Variants in BIRC6 observed in about 807,000 individuals in gnomAD.
BIRC6 encodes the protein baculoviral IAP repeat containing 6, also known as dual E2 ubiquitin-conjugating enzyme/E3 ubiquitin-protein ligase BIRC6.
BIRC6 carries 98 observed loss-of-function variants against 503.3 expected under a neutral mutation model. The observed-to-expected ratio is 0.19, with a 90% CI of 0.17 to 0.23. The LOEUF (loss-of-function observed/expected upper bound fraction) is 0.23, where lower values mean the gene tolerates loss of function less well. Among genes scored for constraint, BIRC6 ranks in the 10% least tolerant of loss-of-function variants. The pLI, the probability that BIRC6 is intolerant of heterozygous loss-of-function variation, is 1.00. For synonymous variants in BIRC6, 2,240 were observed against 2,078.7 expected (o/e 1.08, Z -2.11); for missense variants, 5,360 against 5,806.0 (o/e 0.92, Z 2.50).
At chr2:32,495,814 C>CTGTGGA in intron 45 of BIRC6, among the ~76,000 whole-genome samples, 1 of 94,126 alleles carries the variant, frequency 1.1e-5, no homozygotes, top group East Asian at 2.7e-4. Context: ...TTTTTTTTGC[C>CTGTGGA]TGTGGATGTC....
At chr2:32,614,871 T>A (rs2063134031) in intron 73 of BIRC6, among the ~76,000 whole-genome samples, 1 of 152,156 alleles carries the variant, frequency 6.6e-6, no homozygotes, top group Admixed American at 6.6e-5. Flanking sequence ...TTAGCTTGAC[T>A]CCACAATAAA....
chr2:32,584,464 C>G (rs1303739088), intron 66 of BIRC6, among the ~76,000 whole-genome samples: 1 of 151,968 alleles, frequency 6.6e-6, no homozygotes, highest in Non-Finnish European at 1.5e-5. Context: ...ACCGGGGAGG[C>G]GGAGGTTGTA....
chr2:32,517,390 C>A (rs1445844595), intron 55 of BIRC6, among the ~76,000 whole-genome samples: 3 of 152,088 alleles, frequency 2.0e-5, no homozygotes, highest in Non-Finnish European at 4.4e-5. Flanking sequence ...TATTTAACTG[C>A]CTGTAGTAAT....
intron 1 of BIRC6, among the ~76,000 whole-genome samples, chr2:32,373,961 C>G (rs1285213393): frequency 3.9e-5 from 6 of 152,146 alleles, no homozygotes; most frequent in Non-Finnish European, 8.8e-5. Flanking sequence ...AGGAAAAATA[C>G]TGTATGATTC....
intron 8 of BIRC6, among the ~76,000 whole-genome samples, chr2:32,402,302 C>T (rs1263330768): frequency 1.3e-5 from 2 of 152,116 alleles, no homozygotes; most frequent in African/African-American, 2.4e-5. Context: ...TAGTAAGATT[C>T]TGTAGGTGGA....
intron 53 of BIRC6, among the ~76,000 whole-genome samples, chr2:32,512,509 C>T (rs1186900778): frequency 6.6e-6 from 1 of 151,876 alleles, no homozygotes; most frequent in East Asian, 1.9e-4. Flanking sequence ...GCTTAATTTC[C>T]ATCTTATAAA....
rs143324977 is a variant in BIRC6 at position 32,463,231 on chromosome 2, A to G, written c.4791A>G (p.Leu1597=). 28 of 1,613,334 alleles carry G rather than the reference A, an allele frequency of 1.7e-5. No homozygotes were observed. The highest frequency in any genetic ancestry group is 1.3e-4 in the East Asian group (6 of 44,874). Residue 1597 remains leucine (L), a synonymous_variant, in exon 24 of 74, where the codon CTA becomes CTG. Coordinates refer to ENST00000421745, the MANE Select transcript of BIRC6 (RefSeq NM_016252.4). ...GGGTTACTCCTGCAGTAGGTGGACTATCATCTGGGACAGTTGGGGAAGCCT... is the reference window on the plus strand; with the variant it reads ...GGGTTACTCCTGCAGTAGGTGGACTGTCATCTGGGACAGTTGGGGAAGCCT... ...SFGVTPAVGG[L]SSGTVGEAST...
chr2:32,485,526 C>A (rs966815385), intron 39 of BIRC6, 117 bp from the exon 40 acceptor site: 7 of 636,584 alleles, frequency 1.1e-5, no homozygotes, highest in South Asian at 4.4e-5. Flanking sequence ...GGTGGCTGTT[C>A]TGTAAGAACA....
At position 32,613,007 on chromosome 2, in the gene BIRC6, C is replaced by G. The variant is rs565072786; in HGVS notation, c.14394+1425C>G. Among the ~76,000 whole-genome samples the G allele has an allele frequency of 1.2e-3, 181 of 152,122 alleles. 1 individual carries two copies. Among genetic ancestry groups the G allele is most frequent in the Middle Eastern group, 0.01 (3 of 294 alleles). ...TTGACTTCTATTTTACCAAAGTTAC[C>G]ATCTCTCCAGTTCTCAACGCCAGTG... On this transcript the variant is annotated intron_variant, in intron 73 of 73. Transcript: ENST00000421745.
chr2:32,570,199 T>C (rs2059823432), intron 65 of BIRC6, among the ~76,000 whole-genome samples: 1 of 152,264 alleles, frequency 6.6e-6, no homozygotes, highest in African/African-American at 2.4e-5. Context: ...GTTGTTATGA[T>C]GTGTCACATT....
chr2:32,414,339 T>C (rs1302695910), intron 9 of BIRC6, among the ~76,000 whole-genome samples: 11 of 152,120 alleles, frequency 7.2e-5, no homozygotes, highest in Admixed American at 7.2e-4. Context: ...TCCGTGGATG[T>C]AGAACCTGTG....
chr2:32,475,161 A>T (rs1352694943), intron 33 of BIRC6, among the ~76,000 whole-genome samples: 2 of 91,840 alleles, frequency 2.2e-5, no homozygotes, highest in African/African-American at 5.5e-5. Flanking sequence ...GACTATCTTA[A>T]AAAAAAAAAA....
At chr2:32,531,286 G>A (rs2056731995) in intron 60 of BIRC6, 69 bp from the exon 61 acceptor site, 8 of 1,336,696 alleles carry the variant, frequency 6.0e-6, no homozygotes, top group African/African-American at 3.0e-5. Context: ...ACCTGCTTTT[G>A]TAAATGAAAG....
intron 10 of BIRC6, among the ~76,000 whole-genome samples, chr2:32,426,921 A>T (rs2043567932): frequency 6.6e-6 from 1 of 152,146 alleles, no homozygotes; most frequent in South Asian, 2.1e-4. Flanking sequence ...ATCTGTTGAC[A>T]GTTTCTTTCT....
In BIRC6 at chr2:32,531,558, T is replaced by A. The variant is rs1468145756; in HGVS notation, c.12291+7T>A. On this transcript the variant is annotated splice_region_variant and intron_variant, in intron 61 of 73. Transcript: ENST00000421745. The stretch of plus-strand genomic sequence containing the variant: ...TCCAGAAGTAATTCAACAGGTAAGA[T>A]AAGATTTCCTAATCGAGTATATCAT... The A allele has an allele frequency of 6.3e-7, 1 of 1,597,966 alleles. No homozygotes were observed. The highest frequency in any genetic ancestry group is 2.2e-5 in the East Asian group (1 of 44,652).
rs1449368979 is a variant in BIRC6 at position 32,357,680 on chromosome 2, G to A, written c.325+194G>A. 6.6e-6 allele frequency among the ~76,000 whole-genome samples: 1 copy of A among 152,154 alleles called. No homozygotes were observed. The highest frequency in any genetic ancestry group is 1.5e-5 in the Non-Finnish European group (1 of 68,022). The stretch of plus-strand genomic sequence containing the variant: ...TGGCTTTTTCAGCGGCTGCAGTTGG[G>A]AGGAAAGACCGGCGAGTCAGGGAGT... On this transcript the variant is annotated intron_variant, in intron 1 of 73. Coordinates refer to ENST00000421745, the MANE Select transcript of BIRC6 (RefSeq NM_016252.4). The surrounding 1 kb of genome is among the most constrained non-coding windows in gnomAD (Gnocchi z 4.9).
rs140059577 is a variant in BIRC6, at chr2:32,523,965, G to T, written c.11624-923G>T. Among the ~76,000 whole-genome samples the T allele has an allele frequency of 4.0e-5, 6 of 151,748 alleles. No homozygotes were observed. In the East Asian group the frequency reaches 9.7e-4, roughly 24 times the overall value. On this transcript the variant is annotated intron_variant, in intron 57 of 73. Transcript: ENST00000421745. Reference sequence around the variant, plus strand: ...AGGCTGAGGTGAGATGATCACTTGAGCCTGGGATGTTGAGGCTGCAGTGAA... The same window carrying T: ...AGGCTGAGGTGAGATGATCACTTGATCCTGGGATGTTGAGGCTGCAGTGAA...
intron 72 of BIRC6, among the ~76,000 whole-genome samples, chr2:32,610,371 T>C (rs192290156): frequency 3.9e-5 from 6 of 152,304 alleles, no homozygotes; most frequent in Middle Eastern, 3.4e-3. Context: ...AAAGATAGAA[T>C]TGAAAGATAG....
intron 9 of BIRC6, among the ~76,000 whole-genome samples, chr2:32,411,320 T>C (rs1220297213): frequency 6.6e-6 from 1 of 151,980 alleles, no homozygotes. Flanking sequence ...ATTACAGGTG[T>C]GAGCCTCCAC....
Sources: allele counts gnomAD v4.1 joint callset (sites outside exome capture counted in the v4.1 genomes callset), GRCh38; gene constraint gnomAD v4.1.1; non-coding constraint Gnocchi (gnomAD v3.1); transcripts MANE v1.5; gene names NCBI Gene and HGNC (gene_info 2026-07-23, HGNC 2026-07-21).